The following DNAH6 variants were observed in gnomAD, a reference collection of about 807,000 sequenced individuals.
DNAH6 encodes the protein axonemal beta dynein heavy chain 6.
A neutral mutation model predicts 491.4 loss-of-function variants in DNAH6; 340 were observed. That is an observed-to-expected ratio of 0.69 (90% CI 0.63 to 0.76). The LOEUF is 0.76. Ranked by LOEUF, DNAH6 falls within the 30% of genes least tolerant of loss-of-function variation. The pLI is 0.00. For missense variants in DNAH6, 4,443 were observed against 4,972.2 expected (o/e 0.89, Z 3.20); for synonymous variants, 1,603 against 1,686.1 (o/e 0.95, Z 1.21).
At chr2:84,465,068 C>T in the DNAH6 span, among the ~76,000 whole-genome samples, 1 of 152,270 alleles carries the variant, frequency 6.6e-6, no homozygotes, top group African/African-American at 2.4e-5. Context: ...GATATTCCTG[C>T]CTAACTGTGA....
chr2:84,766,341 G>A (rs1675070743), intron 64 of DNAH6, among the ~76,000 whole-genome samples: 1 of 152,098 alleles, frequency 6.6e-6, no homozygotes, highest in Admixed American at 6.5e-5. Flanking sequence ...TATTTTCTCT[G>A]ACCACAATAA....
At chr2:84,470,675 G>C in the DNAH6 span, among the ~76,000 whole-genome samples, 12,065 of 152,118 alleles carry the variant, frequency 0.079, 1,129 homozygotes, top group African/African-American at 0.22. Flanking sequence ...TGCTGACCTC[G>C]TATCTCATCC....
At chr2:84,643,048 T>G (rs1689574716) in intron 33 of DNAH6, among the ~76,000 whole-genome samples, 1 of 152,186 alleles carries the variant, frequency 6.6e-6, no homozygotes. Context: ...TAACATTTCT[T>G]GCAAGGCAAG....
chr2:84,482,325 C>A, the DNAH6 span, among the ~76,000 whole-genome samples: 1 of 152,182 alleles, frequency 6.6e-6, no homozygotes, highest in East Asian at 1.9e-4. Flanking sequence ...GTTCTCTTTC[C>A]CTCTGATCCA....
chr2:84,804,689 T>C (rs1679249378), intron 70 of DNAH6, among the ~76,000 whole-genome samples: 1 of 152,220 alleles, frequency 6.6e-6, no homozygotes, highest in Admixed American at 6.5e-5. Flanking sequence ...ATAATTTCTT[T>C]TAACTGATCA....
At chr2:84,742,962 A>G (rs988034203) in intron 62 of DNAH6, among the ~76,000 whole-genome samples, 3 of 152,210 alleles carry the variant, frequency 2.0e-5, no homozygotes, top group Admixed American at 6.5e-5. Context: ...CAATAAATGC[A>G]TTAACTTATT....
At position 84,550,037 on chromosome 2, in the gene DNAH6, C is replaced by G. The variant is rs764795545; in HGVS notation, c.1465C>G (p.Pro489Ala). The change falls in exon 9 of 77, where the codon CCT becomes GCT. Residue 489 changes from proline to alanine, a missense_variant. Pro to Ala is a conservative substitution (Grantham distance 27, BLOSUM62 -1). Transcript: ENST00000389394. The stretch of plus-strand genomic sequence containing the variant: ...TCAGAAATGGATTACTGAAGAGAAG[C>G]CTGAAGTCCCTGATAAAAAGGTATA... ...VIQKWITEEK[P>A]EVPDKKGTLM... 6.2e-7 allele frequency: 1 copy of G among 1,612,328 alleles called. No individual in the cohort carries two copies. The highest frequency in any genetic ancestry group is 1.1e-5 in the South Asian group (1 of 90,592).
rs1445907315 is a variant in DNAH6, at chr2:84,604,399, G to A, written c.2929G>A (p.Glu977Lys). 1 of 1,552,210 alleles carries A rather than the reference G, an allele frequency of 6.4e-7. No individual in the cohort carries two copies. The highest frequency in any genetic ancestry group is 8.7e-7 in the Non-Finnish European group (1 of 1,147,086). The change falls in exon 19 of 77, where the codon GAA (glutamate) becomes AAA (lysine). Residue 977 changes from glutamate (E) to lysine (K), a missense_variant. Around this residue, in one of 3 missense-constraint regions of DNAH6, gnomAD observed 2,977 missense variants for 3,296.6 expected, o/e 0.90. Transcript: ENST00000389394. The stretch of plus-strand genomic sequence containing the variant: ...GAAGGCAAGACATTGGGCAGCTATT[G>A]AACAAACAGTTGATGCCACTCTAGT... ...TLKARHWAAI[E>K]QTVDATLVDA...
In DNAH6 at chr2:84,681,343, G is replaced by T; in HGVS notation, c.6745-14G>T. ...AATAAATCTAATCCTCTCATATTAT[G>T]TTTCTGGTTCTAGGCCATCTTAAAT... is the stretch of plus-strand genomic sequence containing the variant. On this transcript the variant is annotated splice_polypyrimidine_tract_variant and intron_variant, in intron 41 of 76. Coordinates refer to ENST00000389394, the MANE Select transcript of DNAH6 (RefSeq NM_001370.2). The T allele has an allele frequency of 1.3e-6, 2 of 1,514,318 alleles. No homozygotes were observed. Among genetic ancestry groups the T allele is most frequent in the Non-Finnish European group, 1.8e-6 (2 of 1,128,428 alleles). The allele number at this position is 1,514,318 out of a possible 1,614,324, so 93.8% of individuals were successfully genotyped here.
chr2:84,743,289 A>T (rs1460305945), intron 62 of DNAH6, among the ~76,000 whole-genome samples: 1 of 152,224 alleles, frequency 6.6e-6, no homozygotes, highest in African/African-American at 2.4e-5. Context: ...GCAACAATTT[A>T]AAAAAACTTT....
chr2:84,683,266 C>T (rs1040333934), intron 42 of DNAH6, among the ~76,000 whole-genome samples: 2 of 152,148 alleles, frequency 1.3e-5, no homozygotes, highest in Non-Finnish European at 2.9e-5. Flanking sequence ...AGTGCCTAAT[C>T]GGGCCTGGCA....
chr2:84,656,632 T>C (rs1298831679), intron 35 of DNAH6, among the ~76,000 whole-genome samples: 1 of 152,068 alleles, frequency 6.6e-6, no homozygotes, highest in Non-Finnish European at 1.5e-5. Flanking sequence ...TGAAATTGGG[T>C]TGTTTGTTTT....
intron 63 of DNAH6, among the ~76,000 whole-genome samples, chr2:84,746,204 G>T (rs2105050400): frequency 6.6e-6 from 1 of 152,264 alleles, no homozygotes; most frequent in Admixed American, 6.5e-5. Flanking sequence ...ATAGAGATTT[G>T]GGAATCAGCA....
chr2:84,805,953 T>A (rs549955466), intron 71 of DNAH6, among the ~76,000 whole-genome samples, 159 bp downstream of exon 71: 23 of 152,268 alleles, frequency 1.5e-4, no homozygotes, highest in Admixed American at 1.3e-3. Flanking sequence ...GACTAGAAGC[T>A]TACAGCATCT....
At chr2:84,468,974 C>T in the DNAH6 span, among the ~76,000 whole-genome samples, 1 of 152,162 alleles carries the variant, frequency 6.6e-6, no homozygotes, top group Non-Finnish European at 1.5e-5. Flanking sequence ...AAGTTTGTTA[C>T]TGACCAGCTT....
At chr2:84,608,151 G>C (rs184882414) in intron 21 of DNAH6, among the ~76,000 whole-genome samples, 5 of 152,074 alleles carry the variant, frequency 3.3e-5, no homozygotes, top group Admixed American at 2.6e-4. Flanking sequence ...CAATTCAGTC[G>C]CCTCTTCAGG....
rs917759908 is a variant in DNAH6, at chr2:84,718,271, A to G, written c.9679A>G (p.Thr3227Ala). The G allele has an allele frequency of 3.9e-5, 61 of 1,551,436 alleles. No homozygotes were observed. In the Admixed American group the frequency reaches 1.2e-3, roughly 29 times the overall value. Residue 3227 changes from threonine to alanine, a missense_variant, in exon 59 of 77, where the codon ACT becomes GCT. Thr to Ala is a moderately conservative substitution (Grantham distance 58, BLOSUM62 0). This residue lies in a region of DNAH6 where 1,463 missense variants were observed against 1,656.6 expected (regional missense o/e 0.88). Transcript: ENST00000389394. ...QRIKLIVRIN[T>A]DKNQLKTIEE... is the part of the protein sequence containing the mutation. ...AATTAAGCTCATCGTGAGGATCAAC[A>G]CTGATAAAAACCAGTTGAAAACTAT...
intron 62 of DNAH6, among the ~76,000 whole-genome samples, chr2:84,743,787 A>G (rs1460823311): frequency 2.0e-5 from 3 of 152,186 alleles, no homozygotes; most frequent in Non-Finnish European, 4.4e-5. Context: ...ACGCCACTGC[A>G]CTCTTGCCTG....
intron 4 of DNAH6, among the ~76,000 whole-genome samples, chr2:84,536,268 G>T (rs925372885): frequency 6.6e-6 from 1 of 152,042 alleles, no homozygotes; most frequent in African/African-American, 2.4e-5. Context: ...TTTAGTAAAG[G>T]TTAGTTCTTA....
Sources: gnomAD v4.1 joint callset for allele counts (sites outside exome capture counted in the v4.1 genomes callset) on GRCh38, gnomAD v4.1.1 for gene constraint, gnomAD v4.1.1 regional missense constraint, MANE v1.5 for transcripts, NCBI Gene and HGNC (gene_info 2026-07-23, HGNC 2026-07-21) for gene names.